Variants in CLEC16A observed in about 807,000 individuals in gnomAD.
CLEC16A encodes protein CLEC16A.
CLEC16A carries 51 observed loss-of-function variants against 109.5 expected under a neutral mutation model. That is an observed-to-expected ratio of 0.47 (90% CI 0.37 to 0.59). The LOEUF (loss-of-function observed/expected upper bound fraction) is 0.59, where lower values mean the gene tolerates loss of function less well. CLEC16A is among the 20% of genes least tolerant of loss of function. The pLI is 0.00. For missense variants in CLEC16A, 1,339 were observed against 1,394.0 expected, an observed-to-expected ratio of 0.96 and a Z score of 0.63; for synonymous variants, 673 against 564.2, an observed-to-expected ratio of 1.19 and a Z score of -2.73.
At chr16:10,998,701 G>A (rs2044477631) in intron 10 of CLEC16A, among the ~76,000 whole-genome samples, 1 of 151,836 alleles carries the variant, frequency 6.6e-6, no homozygotes, top group Non-Finnish European at 1.5e-5. Flanking sequence ...TTGCCCTTTG[G>A]GTACAGCCTG....
At chr16:11,077,644 G>A (rs774574817) in intron 19 of CLEC16A, among the ~76,000 whole-genome samples, 40 of 152,002 alleles carry the variant, frequency 2.6e-4, no homozygotes, top group African/African-American at 8.5e-4. Flanking sequence ...AGGGGACAAC[G>A]TGAGACCCTG....
intron 19 of CLEC16A, 59 bp from the exon 20 acceptor site, chr16:11,120,556 C>A: frequency 6.5e-7 from 1 of 1,527,048 alleles, no homozygotes; most frequent in South Asian, 1.3e-5. Context: ...GCTTTGGTGT[C>A]TCCATCACCC....
chr16:10,979,161 C>G (rs1003234659), intron 8 of CLEC16A, among the ~76,000 whole-genome samples, 168 bp from the exon 9 acceptor site: 1 of 152,058 alleles, frequency 6.6e-6, no homozygotes, highest in African/African-American at 2.4e-5. Flanking sequence ...TGGGATTTTG[C>G]GGAGTGGACT....
intron 22 of CLEC16A, among the ~76,000 whole-genome samples, chr16:11,127,836 C>T (rs1236051078): frequency 1.3e-5 from 2 of 151,950 alleles, no homozygotes; most frequent in East Asian, 1.9e-4. Context: ...TACCATTGCC[C>T]TCCAGCCTGG....
At chr16:11,028,220 C>T (rs2046534329) in intron 13 of CLEC16A, among the ~76,000 whole-genome samples, 1 of 152,218 alleles carries the variant, frequency 6.6e-6, no homozygotes, top group Admixed American at 6.5e-5. Context: ...AAGACAGTAG[C>T]TTATGTTCAT....
chr16:11,019,641 C>T (rs573563398), intron 11 of CLEC16A, among the ~76,000 whole-genome samples: 12 of 152,134 alleles, frequency 7.9e-5, no homozygotes, highest in South Asian at 2.1e-4. Context: ...TGGTGGCAAG[C>T]GCCTGTAATC....
At chr16:10,972,617 T>A in intron 6 of CLEC16A, 58 bp downstream of exon 6, 1 of 1,490,456 alleles carries the variant, frequency 6.7e-7, no homozygotes, top group Non-Finnish European at 9.3e-7. Context: ...TGTAAATACC[T>A]TGCTTGAGAA....
intron 18 of CLEC16A, among the ~76,000 whole-genome samples, chr16:11,058,724 A>G (rs985748245): frequency 1.3e-5 from 2 of 152,240 alleles, no homozygotes; most frequent in African/African-American, 4.8e-5. Flanking sequence ...TAAAGTATTT[A>G]TTGAAAGGTT....
chr16:11,051,233 C>T (rs912765391), intron 17 of CLEC16A, among the ~76,000 whole-genome samples: 1 of 152,158 alleles, frequency 6.6e-6, no homozygotes, highest in Non-Finnish European at 1.5e-5. Context: ...AGAGAGAATG[C>T]GAAGAGGAGC....
intron 17 of CLEC16A, among the ~76,000 whole-genome samples, chr16:11,051,087 C>T (rs1344239468): frequency 6.6e-6 from 1 of 152,192 alleles, no homozygotes; most frequent in Non-Finnish European, 1.5e-5. Flanking sequence ...TCTCGTTAAA[C>T]GGAAGCTGCC....
intron 1 of CLEC16A, among the ~76,000 whole-genome samples, chr16:10,955,291 G>A (rs1384332542): frequency 3.3e-5 from 5 of 152,208 alleles, no homozygotes; most frequent in Non-Finnish European, 5.9e-5. Flanking sequence ...GCCCCATTCA[G>A]CATTTATTGA....
Position 11,061,031 on chromosome 16 carries a change from G to A in CLEC16A, c.2116+9G>A, listed in dbSNP as rs762518093. Reference sequence around the variant, plus strand: ...TGATGTCCTGGATCTGAGTGAGTTGGCTGCTCTGAGTCACAGCAGGGGGCT... The same window carrying A: ...TGATGTCCTGGATCTGAGTGAGTTGACTGCTCTGAGTCACAGCAGGGGGCT... On this transcript the variant is annotated intron_variant, in intron 19 of 23. Coordinates refer to ENST00000409790, the MANE Select transcript of CLEC16A (RefSeq NM_015226.3). 6.9e-6 allele frequency: 11 copies of A among 1,599,394 alleles called. No individual in the cohort carries two copies. Among genetic ancestry groups the A allele is most frequent in the Middle Eastern group, 1.7e-4 (1 of 6,044 alleles).
chr16:10,958,370 C>T (rs1314894771), intron 2 of CLEC16A, among the ~76,000 whole-genome samples: 3 of 152,112 alleles, frequency 2.0e-5, no homozygotes, highest in Non-Finnish European at 4.4e-5. Context: ...GTTGGTGTCC[C>T]CTTTTTTGCT....
chr16:10,972,859 T>G, intron 6 of CLEC16A, 79 bp from the exon 7 acceptor site: 1 of 1,455,880 alleles, frequency 6.9e-7, no homozygotes, highest in Non-Finnish European at 9.2e-7. Context: ...GGGTTTTGCT[T>G]TGTTTTTGTT....
intron 22 of CLEC16A, among the ~76,000 whole-genome samples, chr16:11,161,526 C>T (rs1055630958): frequency 6.6e-6 from 1 of 152,026 alleles, no homozygotes; most frequent in Non-Finnish European, 1.5e-5. Context: ...ATTTCCACAT[C>T]CCCACTCCTA....
At chr16:11,119,469 G>A (rs1000295365) in intron 19 of CLEC16A, among the ~76,000 whole-genome samples, 6 of 152,098 alleles carry the variant, frequency 3.9e-5, no homozygotes, top group Non-Finnish European at 8.8e-5. Context: ...GCTCATTGCA[G>A]CCTTGAACCA....
chr16:10,944,887 G>A (rs891140372), intron 1 of CLEC16A, 90 bp downstream of exon 1: 3 of 1,321,004 alleles, frequency 2.3e-6, no homozygotes, highest in African/African-American at 3.0e-5. Context: ...AGGCGTGAGA[G>A]CGGCGGCGAA....
At chr16:11,079,361 C>G (rs2049574064) in intron 19 of CLEC16A, among the ~76,000 whole-genome samples, 2 of 152,206 alleles carry the variant, frequency 1.3e-5, no homozygotes, top group African/African-American at 4.8e-5. Flanking sequence ...GTTGTTGGGG[C>G]TGAGCTGGCC....
At chr16:10,974,423 C>T (rs1016874635) in intron 7 of CLEC16A, among the ~76,000 whole-genome samples, 1 of 152,196 alleles carries the variant, frequency 6.6e-6, no homozygotes, top group African/African-American at 2.4e-5. Context: ...GGATTTCTTT[C>T]CCTTGGCTCT....
Sources: allele counts gnomAD v4.1 joint callset (sites outside exome capture counted in the v4.1 genomes callset), GRCh38; gene constraint gnomAD v4.1.1; transcripts MANE v1.5; gene names NCBI Gene and HGNC (gene_info 2026-07-23, HGNC 2026-07-21).